LRRC40: variants seen among roughly 807,000 people sequenced by gnomAD.
LRRC40 encodes the protein leucine-rich repeat-containing protein 40.
A neutral mutation model predicts 72.8 loss-of-function variants in LRRC40; 76 were observed. The ratio of observed to expected loss-of-function variants is 1.04; its 90% confidence interval spans 0.87 to 1.26. The LOEUF (loss-of-function observed/expected upper bound fraction) is 1.26. LRRC40 is among the 50% of genes most tolerant of loss of function. The pLI, the probability that LRRC40 is intolerant of heterozygous loss-of-function variation, is 0.00. For missense variants in LRRC40, 684 were observed against 698.9 expected (o/e 0.98, Z 0.24); for synonymous variants, 243 against 254.2 (o/e 0.96, Z 0.42).
At chr1:70,151,858 T>C (rs1171918508) in intron 12 of LRRC40, 1 of 152,080 alleles carries the variant, frequency 6.6e-6, no homozygotes, top group African/African-American at 2.4e-5. Flanking sequence ...TAGGAGCCAA[T>C]ATAACTACTA....
chr1:70,171,786 A>G (rs985391223), intron 9 of LRRC40, among the ~76,000 whole-genome samples: 1 of 152,180 alleles, frequency 6.6e-6, no homozygotes, highest in Non-Finnish European at 1.5e-5. Context: ...ACAGTTTGGC[A>G]GTTCTTCAAA....
chr1:70,178,115 A>G lies in LRRC40; in HGVS notation c.804+736T>C, dbSNP rs137935510. The stretch of plus-strand genomic sequence containing the variant: ...GGCTTCTGGTCAACAGGAGACTACT[A>G]CTAGTTAAGTTTTTGGGGAGTCAAA... On this transcript the variant is annotated intron_variant, in intron 6 of 14. Transcript: ENST00000370952. 5.2e-3 allele frequency among the ~76,000 whole-genome samples: 787 copies of G among 152,312 alleles called. 2 individuals are homozygous for G. Among genetic ancestry groups the G allele is most frequent in the Non-Finnish European group, 8.6e-3 (582 of 68,024 alleles).
chr1:70,190,844 C>G (rs1668485231), intron 1 of LRRC40, among the ~76,000 whole-genome samples: 1 of 151,936 alleles, frequency 6.6e-6, no homozygotes, highest in Non-Finnish European at 1.5e-5. Flanking sequence ...ATTAACAACA[C>G]AGAATATCAA....
chr1:70,188,843 C>T (rs74088004), intron 2 of LRRC40, among the ~76,000 whole-genome samples: 15,152 of 152,158 alleles, frequency 0.1, 903 homozygotes, highest in East Asian at 0.3. Flanking sequence ...TCTTGGTTTA[C>T]AGATGTGGAG....
intron 1 of LRRC40, among the ~76,000 whole-genome samples, chr1:70,190,677 T>TAAAAAAAA (rs59341874): frequency 0.081 from 4,376 of 54,042 alleles, 410 homozygotes; most frequent in Non-Finnish European, 0.093. Context: ...ACCCTGTCTC[T>TAAAAAAAA]AAAAAAAAAA....
intron 14 of LRRC40, among the ~76,000 whole-genome samples, chr1:70,146,736 C>T (rs188617442): frequency 6.6e-6 from 1 of 152,138 alleles, no homozygotes; most frequent in Admixed American, 6.5e-5. Flanking sequence ...TGCTCCACCC[C>T]CTGCCTCCCA....
At chr1:70,203,466 G>C (rs1668793132) in intron 1 of LRRC40, among the ~76,000 whole-genome samples, 1 of 152,028 alleles carries the variant, frequency 6.6e-6, no homozygotes, top group African/African-American at 2.4e-5. Flanking sequence ...ATTCACAGGT[G>C]TGATCATAAG....
intron 1 of LRRC40, among the ~76,000 whole-genome samples, chr1:70,193,008 T>C (rs926977900): frequency 4.6e-5 from 7 of 152,094 alleles, no homozygotes; most frequent in African/African-American, 9.7e-5. Flanking sequence ...AAACTCAATG[T>C]ATCCATTGTC....
chr1:70,148,783 T>C, intron 13 of LRRC40, 111 bp from the exon 14 acceptor site: 2 of 594,882 alleles, frequency 3.4e-6, no homozygotes, highest in Non-Finnish European at 2.7e-6. Flanking sequence ...GTGTATGTTA[T>C]TCTGTAATTG....
chr1:70,187,657 T>G (rs1336413079), intron 2 of LRRC40, among the ~76,000 whole-genome samples: 1 of 143,626 alleles, frequency 7.0e-6, no homozygotes, highest in African/African-American at 2.6e-5. Context: ...AGACCTTGTC[T>G]CTACAAAAAA....
At chr1:70,165,388 A>G (rs951351761) in intron 9 of LRRC40, among the ~76,000 whole-genome samples, 2 of 152,226 alleles carry the variant, frequency 1.3e-5, no homozygotes, top group Admixed American at 6.5e-5. Context: ...TCTTTGACAC[A>G]GTGGAGTCTG....
At chr1:70,171,754 A>G (rs547612667) in intron 9 of LRRC40, among the ~76,000 whole-genome samples, 46 of 152,254 alleles carry the variant, frequency 3.0e-4, no homozygotes, top group African/African-American at 1.0e-3. Flanking sequence ...GAGAATGTAA[A>G]TTGGTGCAGT....
intron 6 of LRRC40, among the ~76,000 whole-genome samples, chr1:70,176,612 A>T (rs887331105): frequency 2.0e-5 from 3 of 151,786 alleles, no homozygotes; most frequent in African/African-American, 7.2e-5. Context: ...AAATCCAAAA[A>T]CTACTTGCAA....
Position 70,181,211 on chromosome 1 carries a change from T to C in LRRC40, c.538-2A>G. 1 of 1,521,570 alleles carries C rather than the reference T, an allele frequency of 6.6e-7. No homozygotes were observed. The highest frequency in any genetic ancestry group is 8.8e-7 in the Non-Finnish European group (1 of 1,136,600). The allele number at this position is 1,521,570 out of a possible 1,614,324, so 94.3% of individuals were successfully genotyped here. On this transcript the variant is annotated splice_acceptor_variant, in intron 4 of 14. Coordinates refer to ENST00000370952, the MANE Select transcript of LRRC40 (RefSeq NM_017768.5). LOFTEE classifies it high-confidence loss of function. ...TGTAAGATGATTGTTTGAAAGATCC[T>C]TTAAAAAGAGAAAGACAAAATAAAT...
chr1:70,198,306 C>G (rs1032404642), intron 1 of LRRC40, among the ~76,000 whole-genome samples: 96 of 152,318 alleles, frequency 6.3e-4, no homozygotes, highest in African/African-American at 2.1e-3. Flanking sequence ...GAATTATCCT[C>G]TTAATTTGCC....
At chr1:70,192,931 T>A (rs1472233011) in intron 1 of LRRC40, among the ~76,000 whole-genome samples, 1 of 151,992 alleles carries the variant, frequency 6.6e-6, no homozygotes, top group Non-Finnish European at 1.5e-5. Context: ...TTCATCTATA[T>A]AACAAACCTA....
chr1:70,204,202 C>T (rs938911925), intron 1 of LRRC40, among the ~76,000 whole-genome samples: 2 of 152,154 alleles, frequency 1.3e-5, no homozygotes, highest in African/African-American at 4.8e-5. Context: ...TTATTGCTTC[C>T]GCAAAATTTA....
intron 9 of LRRC40, among the ~76,000 whole-genome samples, chr1:70,161,119 G>A (rs1667749643): frequency 2.7e-5 from 4 of 150,154 alleles, no homozygotes; most frequent in Admixed American, 6.6e-5. Context: ...AGGGAGTCTC[G>A]CTCTGTTGCC....
At chr1:70,182,755 T>C (rs996054332) in intron 4 of LRRC40, among the ~76,000 whole-genome samples, 1 of 152,102 alleles carries the variant, frequency 6.6e-6, no homozygotes, top group Non-Finnish European at 1.5e-5. Flanking sequence ...GCAGTTTTTA[T>C]ACAAGTTTAA....
Sources: allele counts gnomAD v4.1 joint callset (sites outside exome capture counted in the v4.1 genomes callset), GRCh38; gene constraint gnomAD v4.1.1; transcripts MANE v1.5; gene names NCBI Gene and HGNC (gene_info 2026-07-23, HGNC 2026-07-21).